The following DPYD variants were observed in gnomAD, a reference collection of about 807,000 sequenced individuals.
DPYD encodes the protein dihydropyrimidine dehydrogenase, also known as dihydropyrimidine dehydrogenase [NADP(+)].
A neutral mutation model predicts 116.2 loss-of-function variants in DPYD; 109 were observed. That is an observed-to-expected ratio of 0.94 (90% CI 0.80 to 1.10). The LOEUF (loss-of-function observed/expected upper bound fraction) is 1.10. Ranked by LOEUF, DPYD falls within the 50% of genes least tolerant of loss-of-function variation. DPYD has a pLI of 0.00. For synonymous variants in DPYD, 440 were observed against 432.0 expected (o/e 1.02, Z -0.23); for missense variants, 1,302 against 1,254.5 (o/e 1.04, Z -0.57).
Position 97,605,283 on chromosome 1 carries a change from T to G in DPYD, c.851-10117A>C, listed in dbSNP as rs191646236. Among the ~76,000 whole-genome samples, 333 of 152,220 alleles carry G rather than the reference T, an allele frequency of 2.2e-3. 4 individuals are homozygous for G. Among genetic ancestry groups the G allele is most frequent in the African/African-American group, 7.5e-3 (311 of 41,548 alleles). On this transcript the variant is annotated intron_variant, in intron 8 of 22. Coordinates refer to ENST00000370192, the MANE Select transcript of DPYD (RefSeq NM_000110.4). Reference sequence around the variant, plus strand: ...CTGTATCCCCACCCAAATCTCATCTTGAATTGTAATCTCTGTAATCCCCAT... The same window carrying G: ...CTGTATCCCCACCCAAATCTCATCTGGAATTGTAATCTCTGTAATCCCCAT...
chr1:97,475,668 T>C (rs1296249975), intron 13 of DPYD, among the ~76,000 whole-genome samples: 1 of 152,206 alleles, frequency 6.6e-6, no homozygotes, highest in Non-Finnish European at 1.5e-5. Flanking sequence ...ACATGAAATC[T>C]GCCATAGACA....
chr1:97,415,310 C>T (rs1674232614), intron 14 of DPYD, among the ~76,000 whole-genome samples: 1 of 152,138 alleles, frequency 6.6e-6, no homozygotes. Context: ...TCTCCAGCCT[C>T]AATGAAATAA....
intron 11 of DPYD, among the ~76,000 whole-genome samples, chr1:97,572,487 A>G (rs943269516): frequency 6.6e-6 from 1 of 151,954 alleles, no homozygotes; most frequent in Non-Finnish European, 1.5e-5. Context: ...ACCTTTTTGG[A>G]TAGGCAAATA....
intron 20 of DPYD, among the ~76,000 whole-genome samples, chr1:97,185,369 A>G (rs543734747): frequency 6.6e-6 from 1 of 152,272 alleles, no homozygotes; most frequent in Non-Finnish European, 1.5e-5. Flanking sequence ...CCAAACACCC[A>G]CCCACAGCTG....
chr1:97,450,666 G>A (rs1003359928), intron 13 of DPYD, among the ~76,000 whole-genome samples: 2 of 151,420 alleles, frequency 1.3e-5, no homozygotes, highest in Non-Finnish European at 2.9e-5. Context: ...TCTGAAAAAA[G>A]TAACTCCGAT....
intron 1 of DPYD, among the ~76,000 whole-genome samples, chr1:97,897,373 CGTT>C (rs1673132357): frequency 6.6e-6 from 1 of 151,798 alleles, no homozygotes; most frequent in Non-Finnish European, 1.5e-5. Context: ...TGTGCCTCGG[CGTT>C]GTTTTCTTTA....
At chr1:97,662,976 G>A (rs1189910952) in intron 8 of DPYD, among the ~76,000 whole-genome samples, 6 of 152,092 alleles carry the variant, frequency 3.9e-5, no homozygotes, top group Non-Finnish European at 5.9e-5. Flanking sequence ...TCAATGCCAT[G>A]GCATCTTACT....
chr1:97,576,272 A>G lies in DPYD; in HGVS notation c.1129-2302T>C, dbSNP rs1350650985. 3.9e-5 allele frequency among the ~76,000 whole-genome samples: 6 copies of G among 152,198 alleles called. No individual in the cohort carries two copies. In the East Asian group the frequency reaches 1.2e-3, roughly 29 times the overall value. ...ATGATAATGCCACACTTGACTGAAT[A>G]ACAACTCCAAATGTTTATGGTTTGA... On this transcript the variant is annotated intron_variant, in intron 10 of 22. Transcript: ENST00000370192.
intron 9 of DPYD, among the ~76,000 whole-genome samples, chr1:97,594,627 G>C (rs1418186756): frequency 6.6e-6 from 1 of 152,124 alleles, no homozygotes; most frequent in East Asian, 1.9e-4. Context: ...GGTGTATAAA[G>C]TGATAGGGTG....
chr1:97,136,619 A>G (rs1653822919), intron 20 of DPYD, among the ~76,000 whole-genome samples: 1 of 152,108 alleles, frequency 6.6e-6, no homozygotes, highest in Admixed American at 6.6e-5. Context: ...TCAAAGCAGG[A>G]ATGATATTTA....
intron 3 of DPYD, among the ~76,000 whole-genome samples, chr1:97,826,025 T>C (rs1669223692): frequency 2.0e-5 from 1 of 50,658 alleles, no homozygotes; most frequent in East Asian, 5.2e-3. Context: ...TTACCAATAA[T>C]GTGTGTCTGT....
At position 97,373,653 on chromosome 1, in the gene DPYD, A is replaced by G. The variant is rs1296304626; in HGVS notation, c.1975-9T>C. 2.5e-6 allele frequency: 4 copies of G among 1,611,838 alleles called. No individual in the cohort carries two copies. The East Asian group carries it at 8.9e-5, about 36-fold the overall frequency. ...GCATCTGCTCCAGAATCCTTTAAAC[A>G]AGAAAGGAAAATGAAAGAAAAGGCA... On this transcript the variant is annotated splice_polypyrimidine_tract_variant and intron_variant, in intron 15 of 22. Transcript: ENST00000370192.
chr1:97,252,633 C>T lies in DPYD; in HGVS notation c.2300-17639G>A, dbSNP rs182622111. On this transcript the variant is annotated intron_variant, in intron 18 of 22. Coordinates refer to ENST00000370192, the MANE Select transcript of DPYD (RefSeq NM_000110.4). ...ATGCCTTGAGGGGAGAGACATTTTT[C>T]AGTAACCTTTGCCAAAACCGCTATA... Among the ~76,000 whole-genome samples, 186 of 152,260 alleles carry T rather than the reference C, an allele frequency of 1.2e-3. 1 individual carries two copies. The highest frequency in any genetic ancestry group is 4.3e-3 in the African/African-American group (180 of 41,568).
At chr1:97,173,322 A>G (rs558038783) in intron 20 of DPYD, among the ~76,000 whole-genome samples, 11 of 125,920 alleles carry the variant, frequency 8.7e-5, no homozygotes, top group Admixed American at 8.0e-5. Flanking sequence ...GCACACATAT[A>G]TACACATATA....
chr1:97,213,247 C>T (rs74104313), intron 19 of DPYD, among the ~76,000 whole-genome samples: 1 of 152,084 alleles, frequency 6.6e-6, no homozygotes, highest in African/African-American at 2.4e-5. Context: ...CAATCTATAA[C>T]AATAACTATC....
At chr1:97,428,570 A>C (rs1675001723) in intron 14 of DPYD, among the ~76,000 whole-genome samples, 1 of 152,038 alleles carries the variant, frequency 6.6e-6, no homozygotes, top group Non-Finnish European at 1.5e-5. Context: ...TTTAGAAGTA[A>C]CCGGGAGATC....
intron 20 of DPYD, among the ~76,000 whole-genome samples, chr1:97,180,353 T>A (rs192396896): frequency 1.3e-5 from 2 of 152,138 alleles, no homozygotes. Context: ...ACGGGAGATA[T>A]AACAAATACA....
At chr1:97,854,753 T>G (rs888666694) in intron 2 of DPYD, among the ~76,000 whole-genome samples, 4 of 152,174 alleles carry the variant, frequency 2.6e-5, no homozygotes, top group Admixed American at 6.5e-5. Flanking sequence ...CCCCTGCTTA[T>G]GTACATTCAA....
intron 16 of DPYD, among the ~76,000 whole-genome samples, chr1:97,340,700 C>T (rs1201234050): frequency 6.6e-6 from 1 of 151,906 alleles, no homozygotes; most frequent in East Asian, 1.9e-4. Flanking sequence ...AATAAAAACA[C>T]AACAATGGGA....
Sources: gnomAD v4.1 joint callset for allele counts (sites outside exome capture counted in the v4.1 genomes callset) on GRCh38, gnomAD v4.1.1 for gene constraint, MANE v1.5 for transcripts, NCBI Gene and HGNC (gene_info 2026-07-23, HGNC 2026-07-21) for gene names.